Variants in SEZ6 observed in about 807,000 individuals in gnomAD.
SEZ6 encodes seizure protein 6 homolog.
Under a neutral mutation model 101.0 loss-of-function variants are expected in SEZ6, and 53 were observed. The ratio of observed to expected loss-of-function variants is 0.52; its 90% CI spans 0.42 to 0.66. The LOEUF is 0.66. Among genes scored for constraint, SEZ6 ranks in the 30% least tolerant of loss-of-function variants. SEZ6 has a pLI of 0.00. For synonymous variants in SEZ6, 488 were observed against 512.2 expected, an observed-to-expected ratio of 0.95 and a Z score of 0.64; for missense variants, 1,102 against 1,289.4, an observed-to-expected ratio of 0.85 and a Z score of 2.23.
chr17:28,982,565 C>T (rs1157855210), intron 1 of SEZ6, among the ~76,000 whole-genome samples: 2 of 152,214 alleles, frequency 1.3e-5, no homozygotes, highest in East Asian at 3.8e-4. Context: ...ATTTCCTGTT[C>T]TCAGTGAACC....
At chr17:28,971,037 C>G (rs1231990184) in intron 3 of SEZ6, among the ~76,000 whole-genome samples, 1 of 152,202 alleles carries the variant, frequency 6.6e-6, no homozygotes, top group East Asian at 1.9e-4. Context: ...GGGCTCCATG[C>G]CTCCATTCAG....
chr17:28,958,081 G>T lies in SEZ6; in HGVS notation c.2168C>A (p.Pro723Gln). 1.2e-6 allele frequency: 2 copies of T among 1,611,382 alleles called. No homozygotes were observed. The highest frequency in any genetic ancestry group is 1.7e-6 in the Non-Finnish European group (2 of 1,177,816). The change falls in exon 11 of 17, where the codon CCA becomes CAA. Residue 723 changes from proline (P) to glutamine (Q), a missense_variant. By Grantham distance (76) the Pro-to-Gln change is moderately conservative (BLOSUM62 -1). Transcript: ENST00000317338. ...GCCGTGCACTAGCTCAGGCTGCGAT[G>T]GGCTCTTCCAGCCATTGGGGATCTC... ...LPEIPNGWKSPSQPELVHGTV... is the reference protein window; with the variant it reads ...LPEIPNGWKSQSQPELVHGTV...
chr17:29,001,721 C>T (rs1205108252), intron 1 of SEZ6, among the ~76,000 whole-genome samples: 2 of 152,192 alleles, frequency 1.3e-5, no homozygotes, highest in African/African-American at 4.8e-5. Context: ...CTGGAATTGC[C>T]ACTTCCTGTT....
intron 1 of SEZ6, among the ~76,000 whole-genome samples, chr17:28,993,559 C>T (rs535373099): frequency 1.3e-4 from 20 of 152,340 alleles, no homozygotes; most frequent in Admixed American, 8.5e-4. Flanking sequence ...TCCCTAGAGC[C>T]AGTACCAGGG....
intron 5 of SEZ6, among the ~76,000 whole-genome samples, chr17:28,962,780 CAAAAA>C (rs141990354): frequency 6.3e-5 from 3 of 47,312 alleles, no homozygotes. Flanking sequence ...GACTCCATCT[CAAAAA>C]AAAAAAAAAA....
Position 28,956,383 on chromosome 17 carries a change from A to G in SEZ6, c.2816T>C (p.Leu939Ser). Residue 939 changes from leucine to serine, a missense_variant, in exon 15 of 17, where the codon TTG (leucine) becomes TCG (serine). This residue lies in a region of SEZ6 where 140 missense variants were observed against 135.7 expected (regional missense o/e 1.03). Transcript: ENST00000317338. ...GTAGAAGTATACACCTCCTACCAAC[A>G]ACACCATCGCCACCAGTGGCAAGAA... Reference protein sequence around the residue: ...AIFLPLVAMVLLVGGVYFYFS... With the variant: ...AIFLPLVAMVSLVGGVYFYFS... 6.4e-7 allele frequency: 1 copy of G among 1,573,082 alleles called. No individual in the cohort carries two copies. Among genetic ancestry groups the G allele is most frequent in the Non-Finnish European group, 8.6e-7 (1 of 1,159,096 alleles).
intron 1 of SEZ6, among the ~76,000 whole-genome samples, chr17:29,004,081 A>G (rs1209319479): frequency 6.6e-6 from 1 of 152,148 alleles, no homozygotes; most frequent in Non-Finnish European, 1.5e-5. Flanking sequence ...GTGGCCTCAC[A>G]CAGTCCTCAC....
chr17:28,999,833 T>C (rs2041591484), intron 1 of SEZ6, among the ~76,000 whole-genome samples: 1 of 152,200 alleles, frequency 6.6e-6, no homozygotes, highest in African/African-American at 2.4e-5. Flanking sequence ...CACATCACTC[T>C]GCTCTGGCCC....
At position 28,957,151 on chromosome 17, in the gene SEZ6, G is replaced by T. The variant is rs965215172; in HGVS notation, c.2586C>A (p.Ile862=). The T allele has an allele frequency of 2.5e-6, 4 of 1,613,910 alleles. No individual in the cohort carries two copies. In the African/African-American group the frequency reaches 5.3e-5, roughly 22 times the overall value. The part of the protein sequence containing the change: ...EKQLHPAGAT[I]HFSCAPGYVL... ...CATAGCCAGGGGCACACGAGAAGTG[G>T]ATGGTGGCCCCTGCTGGGTGTAGCT... Residue 862 remains isoleucine, a synonymous_variant, in exon 13 of 17, where the codon ATC becomes ATA. Transcript: ENST00000317338.
At chr17:29,002,176 T>G (rs764985319) in intron 1 of SEZ6, among the ~76,000 whole-genome samples, 13 of 151,634 alleles carry the variant, frequency 8.6e-5, no homozygotes, top group Non-Finnish European at 1.9e-4. Flanking sequence ...ACAGCATTCC[T>G]GAGCTGATCC....
At chr17:28,988,251 C>T (rs979458990) in intron 1 of SEZ6, among the ~76,000 whole-genome samples, 1 of 152,194 alleles carries the variant, frequency 6.6e-6, no homozygotes, top group Admixed American at 6.5e-5. Context: ...CCATCCTTGC[C>T]TGGCCCTTCT....
At chr17:29,000,928 C>G (rs1346239419) in intron 1 of SEZ6, among the ~76,000 whole-genome samples, 1 of 152,052 alleles carries the variant, frequency 6.6e-6, no homozygotes, top group Non-Finnish European at 1.5e-5. Flanking sequence ...CTGCCATGTG[C>G]TAGGCTTTGT....
intron 1 of SEZ6, among the ~76,000 whole-genome samples, chr17:28,994,081 G>A (rs1204030761): frequency 6.6e-6 from 1 of 152,188 alleles, no homozygotes; most frequent in East Asian, 1.9e-4. Flanking sequence ...GCTGAGGTGA[G>A]CTCTGGCCAC....
chr17:28,971,991 C>A (rs773166322), intron 3 of SEZ6, among the ~76,000 whole-genome samples: 26 of 152,242 alleles, frequency 1.7e-4, no homozygotes, highest in Admixed American at 8.5e-4. Flanking sequence ...CATTTGGTGC[C>A]AGTATCTCTG....
rs981200681 is a variant in SEZ6, at chr17:29,005,916, CG to C, written c.-48del. 54 of 1,040,380 alleles carry C rather than the reference CG, an allele frequency of 5.2e-5. No homozygotes were observed. Among genetic ancestry groups the C allele is most frequent in the Non-Finnish European group, 6.5e-5 (49 of 751,162 alleles). 64.4% of individuals were successfully genotyped at this position (1,040,380 alleles called of 1,614,324 possible). A position where few individuals can be genotyped will look rare whatever the true frequency, so the allele number is the denominator to read the frequency against. On this transcript the variant is annotated 5_prime_UTR_variant, in exon 1 of 17. Coordinates refer to ENST00000317338, the MANE Select transcript of SEZ6 (RefSeq NM_178860.5). The surrounding 1 kb of genome is among the most constrained non-coding windows in gnomAD (Gnocchi z 4.8). ...CTGGGCTGGGACCGCGGCGGGAGGG[CG>C]GGGGGCTTGGTGGGGCTTGGGCGCG... is the stretch of plus-strand genomic sequence containing the variant.
At chr17:28,977,884 A>G (rs909200371) in intron 3 of SEZ6, among the ~76,000 whole-genome samples, 5 of 152,144 alleles carry the variant, frequency 3.3e-5, no homozygotes, top group Non-Finnish European at 7.3e-5. Context: ...AGCGGTGCTG[A>G]GTGCTAATGG....
In SEZ6 at chr17:28,959,648, G is replaced by A; in HGVS notation, c.1771+50C>T. 6.5e-7 allele frequency: 1 copy of A among 1,546,422 alleles called. No individual in the cohort carries two copies. The highest frequency in any genetic ancestry group is 8.7e-7 in the Non-Finnish European group (1 of 1,146,524). ...CCCGGGCTCTGCTGCTATTCTCCTG[G>A]TATGACCCTGCCTTTTGCCCGGTAG... is the stretch of plus-strand genomic sequence containing the variant. On this transcript the variant is annotated intron_variant, in intron 8 of 16. Transcript: ENST00000317338. The surrounding 1 kb of genome is among the most constrained non-coding windows in gnomAD (Gnocchi z 4.4).
At chr17:28,993,788 C>T (rs538653268) in intron 1 of SEZ6, among the ~76,000 whole-genome samples, 1 of 152,358 alleles carries the variant, frequency 6.6e-6, no homozygotes, top group African/African-American at 2.4e-5. Flanking sequence ...CTACTGCCCC[C>T]TCCCAGCCTC....
intron 1 of SEZ6, 73 bp from the exon 2 acceptor site, chr17:28,982,112 G>A (rs78209823): frequency 8.5e-5 from 125 of 1,474,526 alleles, no homozygotes; most frequent in Non-Finnish European, 9.6e-5. Flanking sequence ...CTCGAGTAGT[G>A]GGGGGGCCCG....
Sources: allele counts gnomAD v4.1 joint callset (sites outside exome capture counted in the v4.1 genomes callset), GRCh38; gene constraint gnomAD v4.1.1; regional missense constraint gnomAD v4.1.1; non-coding constraint Gnocchi (gnomAD v3.1); transcripts MANE v1.5; gene names NCBI Gene and HGNC (gene_info 2026-07-23, HGNC 2026-07-21).